Variants in CNOT1 observed in about 807,000 individuals in gnomAD.
The protein encoded by CNOT1 is CCR4-NOT transcription complex subunit 1.
CNOT1 carries 15 observed loss-of-function variants against 273.8 expected under a neutral mutation model. The observed-to-expected ratio is 0.05, with a 90% confidence interval of 0.04 to 0.08. The LOEUF (loss-of-function observed/expected upper bound fraction) is 0.08, where lower values mean the gene tolerates loss of function less well. Among genes scored for constraint, CNOT1 ranks in the 10% least tolerant of loss-of-function variants. CNOT1 has a pLI of 1.00. For missense variants in CNOT1, 1,644 were observed against 2,912.2 expected (o/e 0.56, Z 10.02); for synonymous variants, 1,022 against 1,005.5 (o/e 1.02, Z -0.31).
intron 31 of CNOT1, 198 bp downstream of exon 31, chr16:58,543,409 C>T (rs186632167): frequency 2.1e-6 from 3 of 1,441,752 alleles, no homozygotes; most frequent in South Asian, 1.4e-5. Context: ...GAGAATATAA[C>T]AGAAAAAAAA....
chr16:58,608,919 A>T (rs1363051439), intron 1 of CNOT1, among the ~76,000 whole-genome samples: 1 of 152,196 alleles, frequency 6.6e-6, no homozygotes, highest in East Asian at 1.9e-4. Context: ...AGCTATGAGG[A>T]TGCAAAGGCG....
chr16:58,569,203 C>T (rs1437560971), intron 16 of CNOT1, among the ~76,000 whole-genome samples: 3 of 152,138 alleles, frequency 2.0e-5, no homozygotes, highest in Non-Finnish European at 4.4e-5. Flanking sequence ...GCTCAGTGTA[C>T]CTTCCATCTC....
chr16:58,528,592 A>G lies in CNOT1; in HGVS notation c.6336T>C (p.Asp2112=). The G allele has an allele frequency of 6.2e-7, 1 of 1,613,760 alleles. No homozygotes were observed. The highest frequency in any genetic ancestry group is 8.5e-7 in the Non-Finnish European group (1 of 1,179,706). Residue 2112 remains aspartate (D), a synonymous_variant, in exon 44 of 49, where the codon GAT becomes GAC. Transcript: ENST00000317147. ...TCACATCACAGAACCCATAATGGTA[A>G]TCACAAAGGAACTCTGGGAAATCAT... The part of the protein sequence containing the change: ...LLHDFPEFLC[D]YHYGFCDVIP...
intron 16 of CNOT1, among the ~76,000 whole-genome samples, chr16:58,566,400 A>T (rs184636995): frequency 5.3e-4 from 80 of 152,372 alleles, no homozygotes; most frequent in African/African-American, 1.9e-3. Flanking sequence ...CTGCTAATAG[A>T]TCAATTAAAG....
chr16:58,539,800 C>A lies in CNOT1; in HGVS notation c.4960G>T (p.Asp1654Tyr). ...AGCAATCCAAGAGCAGCTATGGCAT[C>A]CCGAGAGTTTCGAGATAAAACTACA... ...EVVVLSRNSR[D>Y]AIAALGLLQK... Residue 1654 changes from aspartate to tyrosine, a missense_variant, in exon 35 of 49, where the codon GAT becomes TAT. By Grantham distance (160) the Asp-to-Tyr change is radical. This residue lies in a region of CNOT1 where 170 missense variants were observed against 273.1 expected (regional missense o/e 0.62). Coordinates refer to ENST00000317147, the MANE Select transcript of CNOT1 (RefSeq NM_016284.5). The A allele has an allele frequency of 6.2e-7, 1 of 1,614,006 alleles. No individual in the cohort carries two copies. Among genetic ancestry groups the A allele is most frequent in the Non-Finnish European group, 8.5e-7 (1 of 1,179,962 alleles).
At chr16:58,594,064 G>C (rs748647042) in intron 2 of CNOT1, among the ~76,000 whole-genome samples, 1 of 152,088 alleles carries the variant, frequency 6.6e-6, no homozygotes, top group East Asian at 1.9e-4. Context: ...GACCAATATG[G>C]AGAAACCCCG....
chr16:58,543,150 AAATTATTAATCATGATACCTG>A, intron 31 of CNOT1: 2 of 1,389,010 alleles, frequency 1.4e-6, no homozygotes, highest in South Asian at 2.8e-5. Context: ...AGCAGTAAAC[AAATTATTAATCATGATACCTG>A]AATTATTAAC....
chr16:58,580,873 G>A (rs751545295), intron 11 of CNOT1, 113 bp from the exon 12 acceptor site: 30 of 1,040,928 alleles, frequency 2.9e-5, no homozygotes, highest in Middle Eastern at 2.4e-4. Flanking sequence ...GCAATTTCCC[G>A]TTTAAAATCT....
chr16:58,620,653 T>TAAAA (rs200053031), intron 1 of CNOT1, among the ~76,000 whole-genome samples: 2,225 of 106,514 alleles, frequency 0.021, 92 homozygotes, highest in African/African-American at 0.068. Context: ...CTGTCTCATT[T>TAAAA]AAAAAAAAAA....
rs547315764 is a variant in CNOT1, at chr16:58,616,199, C to T, written c.-175+13529G>A. Among the ~76,000 whole-genome samples, 10 of 125,596 alleles carry T rather than the reference C, an allele frequency of 8.0e-5. 2 individuals are homozygous for T. The East Asian group carries it at 2.0e-3, about 25-fold the overall frequency. 82.4% of individuals were successfully genotyped at this position (125,596 alleles called of 152,430 possible). On this transcript the variant is annotated intron_variant, in intron 1 of 48. Coordinates refer to ENST00000317147, the MANE Select transcript of CNOT1 (RefSeq NM_016284.5). ...TCGGCTCACTGCAACCTCCGCCTCC[C>T]GGGTTCAAGCAATTCTCTGCCTCAG...
In CNOT1 at chr16:58,614,956, C is replaced by A. The variant is rs1344270023; in HGVS notation, c.-175+14772G>T. 1.6e-5 allele frequency among the ~76,000 whole-genome samples: 2 copies of A among 122,234 alleles called. 1 individual carries two copies. The highest frequency in any genetic ancestry group is 3.9e-5 in the Non-Finnish European group (2 of 51,678). 80.2% of individuals were successfully genotyped at this position (122,234 alleles called of 152,430 possible). A position where few individuals can be genotyped will look rare whatever the true frequency, so the allele number is the denominator to read the frequency against. On this transcript the variant is annotated intron_variant, in intron 1 of 48. Transcript: ENST00000317147. ...CGCCTGGCCTCAACTGATCTGCCCG[C>A]CACGGTCTCCTGACGTGCTGGGATT...
At chr16:58,529,044 T>C (rs1295017171) in intron 43 of CNOT1, among the ~76,000 whole-genome samples, 1 of 151,820 alleles carries the variant, frequency 6.6e-6, no homozygotes, top group Non-Finnish European at 1.5e-5. Context: ...CCAAGTTAGT[T>C]ATTAGAAAAA....
chr16:58,523,790 C>A, intron 46 of CNOT1: 1 of 254,764 alleles, frequency 3.9e-6, no homozygotes, highest in African/African-American at 2.2e-5. Flanking sequence ...CTAAGTCTTT[C>A]TACATTTTGC....
chr16:58,522,413 A>G (rs2039427735), intron 47 of CNOT1, among the ~76,000 whole-genome samples: 1 of 152,218 alleles, frequency 6.6e-6, no homozygotes, highest in South Asian at 2.1e-4. Context: ...GCAGCTTTAT[A>G]TAAACAAAAT....
At position 58,585,312 on chromosome 16, in the gene CNOT1, G is replaced by C. The variant is rs575738096; in HGVS notation, c.806+26C>G. 27 of 1,611,634 alleles carry C rather than the reference G, an allele frequency of 1.7e-5. No homozygotes were observed. In the Admixed American group the frequency reaches 4.2e-4, roughly 25 times the overall value. Reference sequence around the variant, plus strand: ...ATCATGTTTGGCACAAGAATAATCAGAAGCTTAACACATTTTACTACCAAC... The same window carrying C: ...ATCATGTTTGGCACAAGAATAATCACAAGCTTAACACATTTTACTACCAAC... On this transcript the variant is annotated intron_variant, in intron 8 of 48. Coordinates refer to ENST00000317147, the MANE Select transcript of CNOT1 (RefSeq NM_016284.5).
Position 58,551,234 on chromosome 16 carries a change from C to T in CNOT1, c.3240G>A (p.Val1080=), listed in dbSNP as rs1218706720. The T allele has an allele frequency of 6.2e-7, 1 of 1,601,004 alleles. No individual in the cohort carries two copies. The highest frequency in any genetic ancestry group is 8.5e-7 in the Non-Finnish European group (1 of 1,176,688). The change falls in exon 24 of 49, where the codon GTG becomes GTA. Residue 1080 remains valine (V), a synonymous_variant. Coordinates refer to ENST00000317147, the MANE Select transcript of CNOT1 (RefSeq NM_016284.5). ...INTTNIDTLL[V]ATDQTERIVE... ...CAATTCTCTCAGTTTGATCTGTGGC[C>T]ACAAGCAACGTATCTATATTTGTAG...
At chr16:58,623,703 G>T (rs939674025) in intron 1 of CNOT1, among the ~76,000 whole-genome samples, 2 of 152,024 alleles carry the variant, frequency 1.3e-5, no homozygotes, top group Non-Finnish European at 2.9e-5. Flanking sequence ...CCTAAGTGTT[G>T]GCCGGGTACA....
chr16:58,547,745 T>A lies in CNOT1; in HGVS notation c.3523-63A>T. ...GCTTATGAAAGAAAACTCAACTAAG[T>A]ATTTGAGAATTCCATTATCCTATCC... On this transcript the variant is annotated intron_variant, in intron 25 of 48. Coordinates refer to ENST00000317147, the MANE Select transcript of CNOT1 (RefSeq NM_016284.5). The surrounding 1 kb of genome is among the most constrained non-coding windows in gnomAD (Gnocchi z 4.0). 3.4e-6 allele frequency: 5 copies of A among 1,487,324 alleles called. No individual in the cohort carries two copies. Among genetic ancestry groups the A allele is most frequent in the Non-Finnish European group, 4.6e-6 (5 of 1,097,270 alleles). The allele number at this position is 1,487,324 out of a possible 1,614,324, so 92.1% of individuals were successfully genotyped here.
intron 18 of CNOT1, 100 bp downstream of exon 18, chr16:58,558,373 G>C: frequency 6.5e-7 from 1 of 1,547,430 alleles, no homozygotes; most frequent in Non-Finnish European, 8.7e-7. Context: ...CATTTAAGCA[G>C]CTTTCCTTAT....
Sources: gnomAD v4.1 joint callset for allele counts (sites outside exome capture counted in the v4.1 genomes callset) on GRCh38, gnomAD v4.1.1 for gene constraint, gnomAD v4.1.1 regional missense constraint, Gnocchi (gnomAD v3.1) non-coding constraint, MANE v1.5 for transcripts, NCBI Gene and HGNC (gene_info 2026-07-23, HGNC 2026-07-21) for gene names.